Variants in MAD1L1 observed in about 807,000 individuals in gnomAD.
MAD1L1 encodes the protein mitotic spindle assembly checkpoint protein MAD1.
A neutral mutation model predicts 96.9 loss-of-function variants in MAD1L1; 95 were observed. That is an observed-to-expected ratio of 0.98 (90% CI 0.83 to 1.16). The LOEUF (loss-of-function observed/expected upper bound fraction) is 1.16, where lower values mean the gene tolerates loss of function less well. MAD1L1 is among the 50% of genes most tolerant of loss of function. The pLI is 0.00. For synonymous variants in MAD1L1, 473 were observed against 396.6 expected (o/e 1.19, Z -2.29); for missense variants, 1,007 against 954.4 (o/e 1.06, Z -0.73).
rs1201442395 is a variant in MAD1L1 at position 2,060,223 on chromosome 7, ATGCCGAGATACG to A, written c.1218+8959_1218+8970del. Among the ~76,000 whole-genome samples the A allele has an allele frequency of 3.6e-3, 480 of 132,010 alleles. 4 individuals are homozygous for A. The highest frequency in any genetic ancestry group is 0.017 in the African/African-American group (439 of 26,384). The allele number at this position is 132,010 out of a possible 152,430, so 86.6% of individuals were successfully genotyped here. A position where few individuals can be genotyped will look rare whatever the true frequency, so the allele number is the denominator to read the frequency against. On this transcript the variant is annotated intron_variant, in intron 12 of 18. Transcript: ENST00000265854. ...GATACGCAGATGCCAAGTTACGCCG[ATGCCGAGATACG>A]CCGATGCCGAGATACGCCGATGCCG...
At chr7:2,022,803 T>G (rs1782844569) in intron 12 of MAD1L1, among the ~76,000 whole-genome samples, 1 of 152,150 alleles carries the variant, frequency 6.6e-6, no homozygotes, top group Non-Finnish European at 1.5e-5. Flanking sequence ...AATTATATGC[T>G]GTTTATAAGG....
chr7:2,189,407 G>A (rs1021589612), intron 10 of MAD1L1, among the ~76,000 whole-genome samples: 4 of 152,212 alleles, frequency 2.6e-5, no homozygotes, highest in African/African-American at 7.2e-5. Context: ...CCATCAACAG[G>A]TGACTGGATA....
At position 1,816,168 on chromosome 7, in the gene MAD1L1, C is replaced by T; in HGVS notation, c.2059G>A (p.Gly687Ser). The T allele has an allele frequency of 3.1e-6, 5 of 1,613,444 alleles. No individual in the cohort carries two copies. Among genetic ancestry groups the T allele is most frequent in the Non-Finnish European group, 4.2e-6 (5 of 1,179,884 alleles). Residue 687 changes from glycine to serine, a missense_variant, in exon 19 of 19, where the codon GGC (glycine) becomes AGC (serine). Transcript: ENST00000265854. ...LLETEFSHTV[G>S]ELIEVHLRRQ... is the part of the protein sequence containing the mutation. ...CGCAGGTGCACCTCGATGAGCTCGC[C>T]CACGGTGTGTGAGAACTCTGTCTCC...
chr7:2,230,268 G>A (rs1017855492), intron 2 of MAD1L1, 125 bp from the exon 3 acceptor site: 1 of 637,212 alleles, frequency 1.6e-6, no homozygotes, highest in South Asian at 2.3e-5. Context: ...ATACACCCAT[G>A]CCTGTAACCA....
chr7:2,087,133 G>A (rs1227523704), intron 11 of MAD1L1, among the ~76,000 whole-genome samples: 2 of 152,168 alleles, frequency 1.3e-5, no homozygotes, highest in Admixed American at 1.3e-4. Context: ...GGGGAGGCAG[G>A]AGAAACTCTT....
intron 11 of MAD1L1, among the ~76,000 whole-genome samples, chr7:2,129,385 ACAGGCACGAG>A (rs1486516324): frequency 1.3e-5 from 2 of 152,214 alleles, no homozygotes; most frequent in African/African-American, 4.8e-5. Flanking sequence ...GTGAATGTGG[ACAGGCACGAG>A]CAGGCCAAGC....
At chr7:1,879,055 G>A (rs1785535724) in intron 18 of MAD1L1, among the ~76,000 whole-genome samples, 1 of 152,174 alleles carries the variant, frequency 6.6e-6, no homozygotes, top group African/African-American at 2.4e-5. Context: ...TTAAAGCTAA[G>A]TATTTTAAAA....
chr7:1,972,084 G>A (rs900875115), intron 15 of MAD1L1, among the ~76,000 whole-genome samples: 2 of 152,136 alleles, frequency 1.3e-5, no homozygotes, highest in African/African-American at 4.8e-5. Flanking sequence ...CTGCTCGCCT[G>A]CCGCCAGCTC....
At chr7:2,170,062 G>C (rs184910693) in intron 10 of MAD1L1, among the ~76,000 whole-genome samples, 1 of 152,276 alleles carries the variant, frequency 6.6e-6, no homozygotes, top group East Asian at 1.9e-4. Flanking sequence ...CCCTCAGGTC[G>C]TCCCTTCCAC....
intron 15 of MAD1L1, among the ~76,000 whole-genome samples, chr7:1,979,715 C>A (rs1780806446): frequency 6.6e-6 from 1 of 152,212 alleles, no homozygotes; most frequent in Non-Finnish European, 1.5e-5. Flanking sequence ...AGAGAGCTGG[C>A]AGCATGTCTG....
chr7:1,829,899 G>A (rs1437748903), intron 18 of MAD1L1, among the ~76,000 whole-genome samples: 2 of 152,122 alleles, frequency 1.3e-5, no homozygotes, highest in Admixed American at 6.6e-5. Flanking sequence ...AGGAAATACT[G>A]GAATTAAGAA....
At chr7:2,076,815 C>T (rs756102022) in intron 11 of MAD1L1, among the ~76,000 whole-genome samples, 7 of 146,304 alleles carry the variant, frequency 4.8e-5, no homozygotes, top group Non-Finnish European at 7.5e-5. Flanking sequence ...GAGATGGTTA[C>T]GACACGATGA....
intron 17 of MAD1L1, among the ~76,000 whole-genome samples, chr7:1,915,994 A>C (rs577512489): frequency 6.6e-6 from 1 of 152,262 alleles, no homozygotes; most frequent in Non-Finnish European, 1.5e-5. Context: ...CGAAAATGGC[A>C]GGGATTTAAG....
Position 2,225,463 on chromosome 7 carries a change from T to C in MAD1L1, c.238A>G (p.Arg80Gly). ...EKMQMELSHKRARVELERAAS... is the reference protein window; with the variant it reads ...EKMQMELSHKGARVELERAAS... Reference sequence around the variant, plus strand: ...GCTCTCTCCAGCTCCACTCGAGCCCTCTTGTGACTCAGCTCCATCTGCATT... The same window carrying C: ...GCTCTCTCCAGCTCCACTCGAGCCCCCTTGTGACTCAGCTCCATCTGCATT... Residue 80 changes from arginine to glycine, a missense_variant, in exon 4 of 19, where the codon AGG becomes GGG. By Grantham distance (125) the Arg-to-Gly change is moderately radical (BLOSUM62 -2). Transcript: ENST00000265854. 1.9e-6 allele frequency: 3 copies of C among 1,614,156 alleles called. No individual in the cohort carries two copies. Among genetic ancestry groups the C allele is most frequent in the African/African-American group, 2.7e-5 (2 of 75,036 alleles).
At chr7:1,824,939 A>G (rs1459288650) in intron 18 of MAD1L1, among the ~76,000 whole-genome samples, 1 of 151,660 alleles carries the variant, frequency 6.6e-6, no homozygotes, top group African/African-American at 2.4e-5. Context: ...AAAACCCTTC[A>G]AGTTCACACT....
At chr7:1,907,683 A>G (rs1787752782) in intron 17 of MAD1L1, among the ~76,000 whole-genome samples, 1 of 152,234 alleles carries the variant, frequency 6.6e-6, no homozygotes, top group African/African-American at 2.4e-5. Flanking sequence ...AGTGGGGGAA[A>G]CATCACCTGC....
chr7:2,152,433 A>G (rs966999873), intron 10 of MAD1L1, among the ~76,000 whole-genome samples: 1 of 152,142 alleles, frequency 6.6e-6, no homozygotes, highest in African/African-American at 2.4e-5. Flanking sequence ...ACCCGCAGTC[A>G]CCACTTTGGC....
chr7:1,978,458 C>G (rs979333549), intron 15 of MAD1L1, among the ~76,000 whole-genome samples: 5 of 152,200 alleles, frequency 3.3e-5, no homozygotes, highest in African/African-American at 1.2e-4. Flanking sequence ...GGGGACGGCC[C>G]CTCTGCCACT....
intron 16 of MAD1L1, among the ~76,000 whole-genome samples, chr7:1,948,449 A>G (rs1231384501): frequency 2.0e-5 from 3 of 152,228 alleles, no homozygotes; most frequent in African/African-American, 7.2e-5. Context: ...CCTGTGAGCC[A>G]GCACGTCTGC....
Sources: allele counts gnomAD v4.1 joint callset (sites outside exome capture counted in the v4.1 genomes callset), GRCh38; gene constraint gnomAD v4.1.1; transcripts MANE v1.5; gene names NCBI Gene and HGNC (gene_info 2026-07-23, HGNC 2026-07-21).